Variants in GRID2 observed in about 807,000 individuals in gnomAD.
GRID2 encodes the protein glutamate receptor ionotropic, delta-2.
In GRID2, 33 loss-of-function variants were observed where a neutral mutation model predicts 114.8. The observed-to-expected ratio is 0.29, with a 90% CI of 0.22 to 0.38. The LOEUF is 0.38. Ranked by LOEUF, GRID2 falls within the 10% of genes least tolerant of loss-of-function variation. The pLI, the probability that GRID2 is intolerant of heterozygous loss-of-function variation, is 1.00. For missense variants in GRID2, 1,184 were observed against 1,257.7 expected (o/e 0.94, Z 0.89); for synonymous variants, 505 against 449.9 (o/e 1.12, Z -1.55).
At chr4:93,662,101 G>A (rs1236841718) in intron 14 of GRID2, among the ~76,000 whole-genome samples, 4 of 151,872 alleles carry the variant, frequency 2.6e-5, no homozygotes, top group Admixed American at 1.3e-4. Flanking sequence ...CCTCAAGACC[G>A]CCTTACTTAC....
intron 10 of GRID2, among the ~76,000 whole-genome samples, chr4:93,454,047 T>C (rs1722959192): frequency 6.6e-6 from 1 of 152,066 alleles, no homozygotes. Context: ...AAAGACCCAA[T>C]TCCCAATATC....
At chr4:93,392,020 T>C (rs764753679) in intron 8 of GRID2, among the ~76,000 whole-genome samples, 2 of 151,908 alleles carry the variant, frequency 1.3e-5, no homozygotes, top group Non-Finnish European at 2.9e-5. Context: ...TGAAAGGAAA[T>C]TGAATTGGGT....
intron 2 of GRID2, among the ~76,000 whole-genome samples, chr4:92,759,094 G>A (rs17019882): frequency 0.014 from 2,188 of 152,204 alleles, 53 homozygotes; most frequent in African/African-American, 0.049. Context: ...CTCTAGGGAC[G>A]GGATTCTAGA....
chr4:93,802,116 T>C (rs1347804931), intron 1 of GRID2, among the ~76,000 whole-genome samples: 1 of 152,226 alleles, frequency 6.6e-6, no homozygotes, highest in East Asian at 1.9e-4. Context: ...GGAAGTTCTT[T>C]CTGCCGCAGG....
chr4:92,663,217 A>G (rs1435040584), intron 2 of GRID2, among the ~76,000 whole-genome samples: 1 of 151,140 alleles, frequency 6.6e-6, no homozygotes, highest in African/African-American at 2.4e-5. Flanking sequence ...AGTAATTTCA[A>G]GTAGCTCCAA....
chr4:93,347,332 C>CT (rs1164231448), intron 8 of GRID2, among the ~76,000 whole-genome samples: 1 of 152,060 alleles, frequency 6.6e-6, no homozygotes, highest in Non-Finnish European at 1.5e-5. Context: ...ATCTGATACA[C>CT]TTTTTTCCTT....
At chr4:93,691,210 T>A (rs1389015671) in intron 14 of GRID2, among the ~76,000 whole-genome samples, 3 of 152,018 alleles carry the variant, frequency 2.0e-5, no homozygotes, top group African/African-American at 4.8e-5. Flanking sequence ...ATAAACTTAA[T>A]GATGATCTTT....
intron 2 of GRID2, among the ~76,000 whole-genome samples, chr4:92,946,581 A>G (rs962594730): frequency 2.0e-5 from 3 of 152,070 alleles, no homozygotes; most frequent in African/African-American, 2.4e-5. Flanking sequence ...TTGTACTACT[A>G]TGCAAACTCT....
intron 4 of GRID2, among the ~76,000 whole-genome samples, chr4:93,116,682 G>A (rs1267438008): frequency 1.3e-5 from 2 of 151,622 alleles, no homozygotes; most frequent in Middle Eastern, 3.2e-3. Context: ...CCTGGTTCCT[G>A]TGTCTTAACA....
rs374431110 is a variant in GRID2 at position 93,115,402 on chromosome 4, G to GAC, written c.735+4469_735+4470dup. ...TTATGTGGCATTCCAAGTATATACA[G>GAC]ACACACACACACACACACACATTTT... On this transcript the variant is annotated intron_variant, in intron 4 of 15. Coordinates refer to ENST00000282020, the MANE Select transcript of GRID2 (RefSeq NM_001510.4). 2.3e-3 allele frequency among the ~76,000 whole-genome samples: 326 copies of GAC among 144,574 alleles called. 2 individuals carry two copies. The highest frequency in any genetic ancestry group is 6.2e-3 in the East Asian group (29 of 4,698). 94.8% of individuals were successfully genotyped at this position (144,574 alleles called of 152,430 possible).
chr4:92,898,770 C>T (rs987835255), intron 2 of GRID2, among the ~76,000 whole-genome samples: 4 of 152,064 alleles, frequency 2.6e-5, no homozygotes, highest in African/African-American at 9.7e-5. Flanking sequence ...GGCCAAATAC[C>T]ATCCTTTTAT....
intron 1 of GRID2, among the ~76,000 whole-genome samples, chr4:92,364,445 A>G (rs1383943743): frequency 1.3e-5 from 2 of 152,114 alleles, no homozygotes; most frequent in Non-Finnish European, 2.9e-5. Flanking sequence ...TTTCCCTTCA[A>G]ATTTATTTAT....
intron 14 of GRID2, among the ~76,000 whole-genome samples, chr4:93,691,623 A>G (rs945045722): frequency 5.9e-5 from 9 of 152,094 alleles, no homozygotes; most frequent in African/African-American, 2.2e-4. Flanking sequence ...ATGGCTTTTA[A>G]CACTGTAACT....
intron 2 of GRID2, among the ~76,000 whole-genome samples, chr4:92,720,289 G>T (rs188335268): frequency 6.6e-6 from 1 of 151,982 alleles, no homozygotes; most frequent in Admixed American, 6.6e-5. Flanking sequence ...CACTATGTGT[G>T]CAATTTATCC....
intron 1 of GRID2, among the ~76,000 whole-genome samples, chr4:92,390,337 A>T (rs1730181428): frequency 1.3e-5 from 2 of 151,764 alleles, no homozygotes; most frequent in South Asian, 4.1e-4. Flanking sequence ...TCAGCAAATA[A>T]GTGTCAGATC....
intron 14 of GRID2, among the ~76,000 whole-genome samples, chr4:93,656,778 C>A (rs1450803442): frequency 9.0e-6 from 1 of 111,394 alleles, no homozygotes; most frequent in African/African-American, 3.1e-5. Context: ...TGCCGTGAGC[C>A]GAGATTGCGC....
rs548546468 is a variant in GRID2 at position 93,463,972 on chromosome 4, C to G, written c.1858+7998C>G. On this transcript the variant is annotated intron_variant, in intron 11 of 15. Coordinates refer to ENST00000282020, the MANE Select transcript of GRID2 (RefSeq NM_001510.4). ...CCACTGCACTCCAGCCTGGGCGACACAGCAAGACTCCATCTCAAAAACAAA... is the reference window on the plus strand; with the variant it reads ...CCACTGCACTCCAGCCTGGGCGACAGAGCAAGACTCCATCTCAAAAACAAA... 4.2e-4 allele frequency among the ~76,000 whole-genome samples: 64 copies of G among 151,872 alleles called. 1 individual carries two copies. The highest frequency in any genetic ancestry group is 1.5e-3 in the South Asian group (7 of 4,818).
At chr4:93,357,297 ATTATTTAT>A (rs1339294156) in intron 8 of GRID2, among the ~76,000 whole-genome samples, 3 of 151,548 alleles carry the variant, frequency 2.0e-5, no homozygotes, top group Non-Finnish European at 4.4e-5. Context: ...GCCTTAGCTA[ATTATTTAT>A]TTCATTATTT....
At chr4:93,075,821 G>A (rs1351084381) in intron 2 of GRID2, among the ~76,000 whole-genome samples, 1 of 143,104 alleles carries the variant, frequency 7.0e-6, no homozygotes, top group Non-Finnish European at 1.5e-5. Context: ...AATAAATGAA[G>A]TTATGTATAA....
Sources: allele counts gnomAD v4.1 joint callset (sites outside exome capture counted in the v4.1 genomes callset), GRCh38; gene constraint gnomAD v4.1.1; transcripts MANE v1.5; gene names NCBI Gene and HGNC (gene_info 2026-07-23, HGNC 2026-07-21).